Variants in UNC45A observed in about 807,000 individuals in gnomAD.
UNC45A encodes protein unc-45 homolog A.
Under a neutral mutation model 103.2 loss-of-function variants are expected in UNC45A, and 78 were observed. The observed-to-expected ratio is 0.76, with a 90% CI of 0.63 to 0.91. The LOEUF is 0.91. Among genes scored for constraint, UNC45A ranks in the 40% least tolerant of loss-of-function variants. The probability of loss-of-function intolerance (pLI) is 0.00; values close to 1 mark genes in which losing one functional copy is unlikely to be tolerated. For missense variants in UNC45A, 1,193 were observed against 1,224.8 expected, an observed-to-expected ratio of 0.97 and a Z score of 0.39; for synonymous variants, 495 against 504.6, an observed-to-expected ratio of 0.98 and a Z score of 0.25.
rs759364706 is a variant in UNC45A, at chr15:90,946,652, G to A, written c.1238G>A (p.Arg413Gln). The change falls in exon 10 of 20, where the codon CGG becomes CAG. Residue 413 changes from arginine (R) to glutamine (Q), a missense_variant. Transcript: ENST00000418476. ...GGCCAAGGGCTGGCCGGGAAGCTACGGGCCATCCAGACGGTGTCCTGCCTC... is the reference window on the plus strand; with the variant it reads ...GGCCAAGGGCTGGCCGGGAAGCTACAGGCCATCCAGACGGTGTCCTGCCTC... ...FEGQGLAGKL[R>Q]AIQTVSCLLQ... 6.2e-6 allele frequency: 10 copies of A among 1,611,346 alleles called. No homozygotes were observed. The highest frequency in any genetic ancestry group is 1.3e-5 in the African/African-American group (1 of 74,864).
chr15:90,936,265 G>A lies in UNC45A; in HGVS notation c.251-20G>A, dbSNP rs376431537. On this transcript the variant is annotated intron_variant, in intron 3 of 19. Transcript: ENST00000418476. ...GACAGTGGCCTCATGGGTGCTGACA[G>A]CGCTCCTGTTTGTGCTCAGCCATTG... The A allele has an allele frequency of 1.2e-6, 2 of 1,604,298 alleles. No individual in the cohort carries two copies. Among genetic ancestry groups the A allele is most frequent in the Non-Finnish European group, 1.7e-6 (2 of 1,174,932 alleles).
chr15:90,937,384 A>T (rs1000297807), intron 4 of UNC45A, among the ~76,000 whole-genome samples: 10 of 152,132 alleles, frequency 6.6e-5, no homozygotes, highest in Non-Finnish European at 1.5e-4. Flanking sequence ...ATACAATAAC[A>T]CATATAGTAT....
At chr15:90,945,122 C>T (rs766684777) in intron 9 of UNC45A, 59 bp downstream of exon 9, 13 of 1,585,694 alleles carry the variant, frequency 8.2e-6, no homozygotes, top group Non-Finnish European at 9.5e-6. Flanking sequence ...GTTCTGACTC[C>T]TTGAGGAGGG....
chr15:90,932,559 G>C (rs1263036428), upstream of UNC45A: 3 of 1,240,378 alleles, frequency 2.4e-6, no homozygotes, highest in African/African-American at 4.7e-5. Context: ...TGGGGCCGAC[G>C]ACTGCGGCCG....
Position 90,943,693 on chromosome 15 carries a change from AT to A in UNC45A, c.1027+624del, listed in dbSNP as rs879622633. Among the ~76,000 whole-genome samples the A allele has an allele frequency of 2.4e-3, 343 of 144,362 alleles. 2 individuals are homozygous for A. The highest frequency in any genetic ancestry group is 0.011 in the Middle Eastern group (3 of 272). 94.7% of individuals were successfully genotyped at this position (144,362 alleles called of 152,430 possible). On this transcript the variant is annotated intron_variant, in intron 8 of 19. Coordinates refer to ENST00000418476, the MANE Select transcript of UNC45A (RefSeq NM_018671.5). ...CAGAGAGGCTGGATTAGCTTTCTGT[AT>A]TTTTTTTTTTTTGAGACAGAGTCTC...
At position 90,940,310 on chromosome 15, in the gene UNC45A, CT is replaced by C; in HGVS notation, c.525del (p.Gln176ArgfsTer59). ...EKGTEKKQKA[S>X]QNLVVLARED... is the part of the protein sequence containing the mutation. ...AATGTGCTTCCTTTGACGCAGGCTT[CT>C]CAGAACCTGGTGGTGCTGGCCAGGG... On this transcript the variant is annotated frameshift_variant, in exon 6 of 20. Coordinates refer to ENST00000418476, the MANE Select transcript of UNC45A (RefSeq NM_018671.5). LOFTEE classifies it high-confidence loss of function. The C allele has an allele frequency of 6.2e-7, 1 of 1,612,914 alleles. No homozygotes were observed. The highest frequency in any genetic ancestry group is 1.3e-5 in the African/African-American group (1 of 75,024).
chr15:90,934,516 A>G (rs1005758079), upstream of UNC45A: 34 of 398,646 alleles, frequency 8.5e-5, no homozygotes, highest in African/African-American at 6.6e-4. Flanking sequence ...TACCAAGTCA[A>G]TCTGTCCGCT....
chr15:90,934,985 T>A, upstream of UNC45A: 1 of 516,376 alleles, frequency 1.9e-6, no homozygotes, highest in South Asian at 2.8e-5. Flanking sequence ...TACAACCTAC[T>A]GGTTGTGACC....
At chr15:90,936,026 T>C in intron 3 of UNC45A, 44 bp downstream of exon 3, 1 of 1,612,186 alleles carries the variant, frequency 6.2e-7, no homozygotes, top group Non-Finnish European at 8.5e-7. Flanking sequence ...AGGGCTTCTG[T>C]GGTGGGCAAG....
Position 90,946,774 on chromosome 15 carries a change from C to T in UNC45A, c.1360C>T (p.Gln454Ter). Residue 454 changes from glutamine (Q) to a stop codon, truncating the protein, a stop_gained, in exon 10 of 20, where the codon CAG becomes TAG. Coordinates refer to ENST00000418476, the MANE Select transcript of UNC45A (RefSeq NM_018671.5). LOFTEE classifies it high-confidence loss of function. ...GTGTGCCTCTGAGCAGGAGGAGGAG[C>T]AGCTGGTGGCCGTGGAGGCTCTGAT... ...ALCASEQEEE[Q>*]LVAVEALIHA... is the part of the protein sequence containing the mutation. 1 of 1,614,204 alleles carries T rather than the reference C, an allele frequency of 6.2e-7. No individual in the cohort carries two copies. The highest frequency in any genetic ancestry group is 8.5e-7 in the Non-Finnish European group (1 of 1,180,050).
intron 6 of UNC45A, among the ~76,000 whole-genome samples, chr15:90,941,980 AAAAG>A (rs1365478716): frequency 6.6e-6 from 1 of 151,528 alleles, no homozygotes; most frequent in Non-Finnish European, 1.5e-5. Context: ...AAAAAAAGAA[AAAAG>A]AAAGAAACTG....
chr15:90,936,295 G>A lies in UNC45A; in HGVS notation c.261G>A (p.Lys87=), dbSNP rs140664787. 43 of 1,613,316 alleles carry A rather than the reference G, an allele frequency of 2.7e-5. No homozygotes were observed. Among genetic ancestry groups the A allele is most frequent in the Admixed American group, 2.5e-4 (15 of 59,772 alleles). Residue 87 remains lysine, a synonymous_variant, in exon 4 of 20, where the codon AAG becomes AAA. Coordinates refer to ENST00000418476, the MANE Select transcript of UNC45A (RefSeq NM_018671.5). ...CCTGTTTGTGCTCAGCCATTGAAAAGGATGGTGGGGATGTCAAAGCACTCT... is the reference window on the plus strand; with the variant it reads ...CCTGTTTGTGCTCAGCCATTGAAAAAGATGGTGGGGATGTCAAAGCACTCT... ...AETEASKAIE[K]DGGDVKALYR... is the part of the protein sequence containing the mutation.
chr15:90,941,913 C>T (rs767007044), intron 6 of UNC45A, among the ~76,000 whole-genome samples: 2 of 148,618 alleles, frequency 1.3e-5, no homozygotes, highest in Non-Finnish European at 3.0e-5. Flanking sequence ...GAGCCCAGAT[C>T]GCGCTACTGC....
chr15:90,944,189 A>T (rs1050569552), intron 8 of UNC45A, among the ~76,000 whole-genome samples: 1 of 149,810 alleles, frequency 6.7e-6, no homozygotes, highest in Non-Finnish European at 1.5e-5. Context: ...GTTTGAGACC[A>T]GCCTGGCCGA....
chr15:90,935,193 C>T (rs2035937700), upstream of UNC45A: 4 of 943,524 alleles, frequency 4.2e-6, no homozygotes, highest in Non-Finnish European at 6.5e-6. Context: ...GCGCTCCCTC[C>T]TTAGCCCTGC....
upstream of UNC45A, chr15:90,934,509 C>CA: frequency 2.5e-6 from 1 of 398,960 alleles, no homozygotes. Flanking sequence ...GGCCCTGTAC[C>CA]AAGTCAATCT....
intron 7 of UNC45A, 83 bp downstream of exon 7, chr15:90,942,688 G>T (rs563190485): frequency 6.3e-7 from 1 of 1,595,644 alleles, no homozygotes; most frequent in East Asian, 2.2e-5. Flanking sequence ...AGTTTTTTGG[G>T]GACCAGACTT....
chr15:90,932,509 G>A, upstream of UNC45A: 1 of 1,302,486 alleles, frequency 7.7e-7, no homozygotes, highest in Non-Finnish European at 9.7e-7. Flanking sequence ...GAAGTCGGCA[G>A]CCTCCAGCAG....
At chr15:90,952,181 G>C (rs1741735222) in intron 17 of UNC45A, 1 of 152,276 alleles carries the variant, frequency 6.6e-6, no homozygotes, top group Admixed American at 6.5e-5. Flanking sequence ...AAACTCTGAT[G>C]ATGCTGCCGG....
Sources: gnomAD v4.1 joint callset for allele counts (sites outside exome capture counted in the v4.1 genomes callset) on GRCh38, gnomAD v4.1.1 for gene constraint, MANE v1.5 for transcripts, NCBI Gene and HGNC (gene_info 2026-07-23, HGNC 2026-07-21) for gene names.